Variants in EBF1 observed in about 807,000 individuals in gnomAD.
EBF1 encodes the protein EBF transcription factor 1.
Under a neutral mutation model 68.4 loss-of-function variants are expected in EBF1, and 10 were observed. That is an observed-to-expected ratio of 0.15 (90% CI 0.09 to 0.25). EBF1 has a LOEUF of 0.25. EBF1 is among the 10% of genes least tolerant of loss of function. EBF1 has a pLI of 1.00. For synonymous variants in EBF1, 298 were observed against 299.8 expected, an observed-to-expected ratio of 0.99 and a Z score of 0.06; for missense variants, 509 against 794.4, an observed-to-expected ratio of 0.64 and a Z score of 4.32.
At chr5:158,956,489 ACACG>A (rs959954056) in intron 6 of EBF1, among the ~76,000 whole-genome samples, 4 of 151,874 alleles carry the variant, frequency 2.6e-5, no homozygotes, top group African/African-American at 7.3e-5. Flanking sequence ...GCACACACAC[ACACG>A]CACGCACACT....
chr5:159,002,601 A>C (rs542785318), intron 6 of EBF1, among the ~76,000 whole-genome samples: 1 of 152,208 alleles, frequency 6.6e-6, no homozygotes, highest in Non-Finnish European at 1.5e-5. Context: ...ATCTTACAGT[A>C]AATAATGAAC....
intron 9 of EBF1, among the ~76,000 whole-genome samples, chr5:158,782,076 C>T (rs1242990207): frequency 6.6e-6 from 1 of 152,118 alleles, no homozygotes; most frequent in African/African-American, 2.4e-5. Flanking sequence ...ATTCCCTTGC[C>T]CAACAGTTTT....
At chr5:159,072,416 G>T (rs979419367) in intron 6 of EBF1, among the ~76,000 whole-genome samples, 4 of 151,408 alleles carry the variant, frequency 2.6e-5, no homozygotes, top group East Asian at 1.9e-4. Flanking sequence ...AGAAAGATGG[G>T]TTTTTTTTTC....
At chr5:158,841,169 T>C (rs1176682950) in intron 6 of EBF1, among the ~76,000 whole-genome samples, 1 of 152,204 alleles carries the variant, frequency 6.6e-6, no homozygotes, top group East Asian at 1.9e-4. Context: ...TATATATTAA[T>C]AGTACCTACT....
chr5:159,062,013 T>A (rs2127876087), intron 6 of EBF1, among the ~76,000 whole-genome samples: 1 of 152,318 alleles, frequency 6.6e-6, no homozygotes, highest in South Asian at 2.1e-4. Flanking sequence ...CCTGCCTGCC[T>A]ACATTATTTC....
intron 6 of EBF1, among the ~76,000 whole-genome samples, chr5:158,845,705 G>A (rs201762074): frequency 7.6e-3 from 1,038 of 137,400 alleles, no homozygotes; most frequent in Middle Eastern, 0.011. Context: ...CCTACAAAAA[G>A]AAAAAAAAAA....
chr5:158,824,874 G>A (rs1785701605), intron 7 of EBF1, among the ~76,000 whole-genome samples: 1 of 152,218 alleles, frequency 6.6e-6, no homozygotes, highest in South Asian at 2.1e-4. Flanking sequence ...CTTTCCCAGA[G>A]CCTCAAAGAT....
chr5:158,722,702 G>A (rs988118365), intron 11 of EBF1, among the ~76,000 whole-genome samples: 8 of 152,154 alleles, frequency 5.3e-5, no homozygotes, highest in Non-Finnish European at 1.0e-4. Flanking sequence ...TAATTCTCAA[G>A]CCTTTACAGA....
chr5:158,706,206 T>C (rs1024337761), intron 15 of EBF1, among the ~76,000 whole-genome samples: 8 of 151,764 alleles, frequency 5.3e-5, no homozygotes, highest in South Asian at 2.1e-4. Context: ...TTTTTTTTTT[T>C]CCTCTTTCCT....
chr5:158,994,712 C>A (rs1761068083), intron 6 of EBF1, among the ~76,000 whole-genome samples: 2 of 152,132 alleles, frequency 1.3e-5, no homozygotes, highest in Non-Finnish European at 2.9e-5. Context: ...ATCAGAAATT[C>A]ATTTCAACCT....
intron 6 of EBF1, among the ~76,000 whole-genome samples, chr5:158,902,253 G>A (rs1216181193): frequency 1.3e-5 from 2 of 152,068 alleles, no homozygotes; most frequent in African/African-American, 4.8e-5. Context: ...TCTCCCATGA[G>A]GCTGTAGAGA....
At chr5:158,943,018 G>A (rs1813803240) in intron 6 of EBF1, among the ~76,000 whole-genome samples, 1 of 130,904 alleles carries the variant, frequency 7.6e-6, no homozygotes, top group Admixed American at 7.7e-5. Context: ...AAGGAGGAAG[G>A]GAGGGAGGGG....
At chr5:158,788,346 AAGGAGGGAAAAGGATCCCATGGAG>A (rs1303074171) in intron 9 of EBF1, among the ~76,000 whole-genome samples, 2 of 152,290 alleles carry the variant, frequency 1.3e-5, no homozygotes, top group Non-Finnish European at 1.5e-5. Context: ...TGGGCACAGA[AAGGAGGGAAAAGGATCCCATGGAG>A]AGCAATGGCA....
At chr5:159,066,903 TG>T (rs965411229) in intron 6 of EBF1, among the ~76,000 whole-genome samples, 2 of 152,144 alleles carry the variant, frequency 1.3e-5, no homozygotes, top group Non-Finnish European at 2.9e-5. Context: ...CTGGATAGTA[TG>T]TAGTTACGCG....
At chr5:159,061,788 A>G (rs1775897389) in intron 6 of EBF1, among the ~76,000 whole-genome samples, 1 of 151,558 alleles carries the variant, frequency 6.6e-6, no homozygotes, top group Non-Finnish European at 1.5e-5. Flanking sequence ...ATCTAACTGG[A>G]CTCTTCAACA....
chr5:158,893,420 A>C (rs1801572105), intron 6 of EBF1, among the ~76,000 whole-genome samples: 1 of 152,216 alleles, frequency 6.6e-6, no homozygotes, highest in South Asian at 2.1e-4. Flanking sequence ...GTTTCTACTT[A>C]GTAAGCCAGC....
intron 6 of EBF1, among the ~76,000 whole-genome samples, chr5:158,876,149 A>C (rs1453632283): frequency 6.6e-6 from 1 of 152,184 alleles, no homozygotes; most frequent in East Asian, 1.9e-4. Context: ...ACGGCCAATA[A>C]TATAAAATAT....
chr5:159,038,281 G>A (rs531873706), intron 6 of EBF1, among the ~76,000 whole-genome samples: 196 of 152,226 alleles, frequency 1.3e-3, no homozygotes, highest in Middle Eastern at 3.4e-3. Flanking sequence ...AGGGAAATGA[G>A]GGGGGAAACC....
At chr5:158,917,967 G>A (rs1354621351) in intron 6 of EBF1, among the ~76,000 whole-genome samples, 2 of 152,132 alleles carry the variant, frequency 1.3e-5, no homozygotes, top group South Asian at 4.1e-4. Context: ...GAAGAAAGGG[G>A]GATGTGTACT....
Sources: gnomAD v4.1 joint callset for allele counts (sites outside exome capture counted in the v4.1 genomes callset) on GRCh38, gnomAD v4.1.1 for gene constraint, MANE v1.5 for transcripts, NCBI Gene and HGNC (gene_info 2026-07-23, HGNC 2026-07-21) for gene names.